GRID1: variants seen among roughly 807,000 people sequenced by gnomAD.
The protein encoded by GRID1 is glutamate ionotropic receptor delta type subunit 1.
GRID1 carries 28 observed loss-of-function variants against 98.0 expected under a neutral mutation model. That is an observed-to-expected ratio of 0.29 (90% CI 0.21 to 0.39). The LOEUF (loss-of-function observed/expected upper bound fraction) is 0.39. Ranked by LOEUF, GRID1 falls within the 10% of genes least tolerant of loss-of-function variation. The probability of loss-of-function intolerance (pLI) is 1.00; values close to 1 mark genes in which losing one functional copy is unlikely to be tolerated. For missense variants in GRID1, 1,111 were observed against 1,340.5 expected, an observed-to-expected ratio of 0.83 and a Z score of 2.67; for synonymous variants, 553 against 538.5, an observed-to-expected ratio of 1.03 and a Z score of -0.37.
intron 12 of GRID1, among the ~76,000 whole-genome samples, chr10:85,672,159 C>T (rs1841093595): frequency 6.6e-6 from 1 of 151,802 alleles, no homozygotes; most frequent in Non-Finnish European, 1.5e-5. Context: ...GATGCAATGG[C>T]CTTCTATTGG....
At chr10:85,894,079 T>C (rs534465115) in intron 5 of GRID1, among the ~76,000 whole-genome samples, 2 of 152,262 alleles carry the variant, frequency 1.3e-5, no homozygotes, top group Admixed American at 6.5e-5. Context: ...GCTACAGTTA[T>C]TGAGATAGTG....
chr10:86,098,356 C>A (rs972185440), intron 4 of GRID1, among the ~76,000 whole-genome samples: 2 of 152,158 alleles, frequency 1.3e-5, no homozygotes, highest in Admixed American at 6.5e-5. Flanking sequence ...TCCCTTAGAG[C>A]CTACACAGTC....
chr10:85,984,136 G>C (rs2001447), intron 4 of GRID1, among the ~76,000 whole-genome samples: 50,957 of 151,798 alleles, frequency 0.34, 9,389 homozygotes, highest in South Asian at 0.5. Context: ...GCACCACAGA[G>C]AGAGGCTCCA....
chr10:85,624,100 G>A (rs1842885064), intron 13 of GRID1, among the ~76,000 whole-genome samples: 1 of 152,192 alleles, frequency 6.6e-6, no homozygotes, highest in Non-Finnish European at 1.5e-5. Context: ...GTGGCTGTGG[G>A]GAGTTGAGGA....
At chr10:85,949,877 C>T (rs1335483676) in intron 4 of GRID1, among the ~76,000 whole-genome samples, 1 of 151,650 alleles carries the variant, frequency 6.6e-6, no homozygotes, top group East Asian at 1.9e-4. Context: ...AAGAGAGATA[C>T]ATATAAAAAG....
chr10:85,989,633 G>C (rs1842655300), intron 4 of GRID1, among the ~76,000 whole-genome samples: 2 of 152,148 alleles, frequency 1.3e-5, no homozygotes, highest in Admixed American at 1.3e-4. Context: ...ACTAGTGCCT[G>C]GTGATCTGAA....
At chr10:85,864,400 C>T (rs1002894208) in intron 6 of GRID1, among the ~76,000 whole-genome samples, 3 of 152,244 alleles carry the variant, frequency 2.0e-5, no homozygotes, top group African/African-American at 7.2e-5. Flanking sequence ...GTGAAGAGGG[C>T]TATCTGTCCA....
chr10:85,963,805 G>A (rs1051929879), intron 4 of GRID1, among the ~76,000 whole-genome samples: 2 of 152,152 alleles, frequency 1.3e-5, no homozygotes, highest in Non-Finnish European at 2.9e-5. Flanking sequence ...CACATTATGA[G>A]ATGAAAACAA....
chr10:86,203,868 C>T (rs1845989064), intron 3 of GRID1, among the ~76,000 whole-genome samples: 1 of 152,130 alleles, frequency 6.6e-6, no homozygotes, highest in Non-Finnish European at 1.5e-5. Flanking sequence ...GTGTTTTCTG[C>T]TGCTGAGCCC....
intron 8 of GRID1, among the ~76,000 whole-genome samples, chr10:85,795,281 T>C (rs892349742): frequency 3.3e-5 from 5 of 152,186 alleles, no homozygotes; most frequent in Non-Finnish European, 5.9e-5. Context: ...GCAATTCCTC[T>C]ACTGTGTGCT....
chr10:85,797,593 T>C (rs1842536999), intron 8 of GRID1, among the ~76,000 whole-genome samples: 1 of 149,668 alleles, frequency 6.7e-6, no homozygotes, highest in African/African-American at 2.5e-5. Flanking sequence ...CCACACCCAC[T>C]GGGGGCTAAA....
intron 3 of GRID1, among the ~76,000 whole-genome samples, chr10:86,205,909 G>A (rs1454161869): frequency 2.0e-5 from 3 of 152,022 alleles, no homozygotes; most frequent in Non-Finnish European, 4.4e-5. Context: ...TCCGTCCCCT[G>A]ACCTTTGCCC....
intron 4 of GRID1, among the ~76,000 whole-genome samples, chr10:86,102,095 T>C (rs1189157983): frequency 6.6e-6 from 1 of 152,198 alleles, no homozygotes; most frequent in East Asian, 1.9e-4. Flanking sequence ...GACCAGGAAG[T>C]GTGTTCGCCC....
At chr10:85,878,522 G>C (rs1291082243) in intron 5 of GRID1, among the ~76,000 whole-genome samples, 1 of 152,158 alleles carries the variant, frequency 6.6e-6, no homozygotes, top group Non-Finnish European at 1.5e-5. Context: ...GCCAAACTAA[G>C]ATTCATAAGT....
chr10:85,847,350 T>C (rs888734684), intron 8 of GRID1, among the ~76,000 whole-genome samples: 3 of 152,212 alleles, frequency 2.0e-5, no homozygotes, highest in Non-Finnish European at 4.4e-5. Flanking sequence ...AGTGTCTGAA[T>C]TGGCCAACCC....
intron 4 of GRID1, among the ~76,000 whole-genome samples, chr10:86,064,166 T>C (rs1564663943): frequency 6.6e-6 from 1 of 152,244 alleles, no homozygotes; most frequent in Non-Finnish European, 1.5e-5. Context: ...AACAATCTAT[T>C]GGCCTACTTA....
chr10:85,781,564 G>A (rs1187941415), intron 8 of GRID1, among the ~76,000 whole-genome samples: 2 of 152,192 alleles, frequency 1.3e-5, no homozygotes, highest in Admixed American at 6.5e-5. Context: ...CCTGTGTGAT[G>A]CTGGAGCGTA....
intron 8 of GRID1, among the ~76,000 whole-genome samples, chr10:85,774,864 T>C (rs2132717599): frequency 6.6e-6 from 1 of 151,224 alleles, no homozygotes; most frequent in East Asian, 1.9e-4. Flanking sequence ...AGGAACACTT[T>C]TACACTGTTG....
At chr10:86,246,050 C>T (rs186595495) in intron 2 of GRID1, among the ~76,000 whole-genome samples, 13 of 152,370 alleles carry the variant, frequency 8.5e-5, no homozygotes, top group Non-Finnish European at 1.5e-4. Context: ...GGGGCCAAGA[C>T]GACCCAGGGT....
Sources: allele counts gnomAD v4.1 joint callset (sites outside exome capture counted in the v4.1 genomes callset), GRCh38; gene constraint gnomAD v4.1.1; transcripts MANE v1.5; gene names NCBI Gene and HGNC (gene_info 2026-07-23, HGNC 2026-07-21).